The following BLNK variants were observed in gnomAD, a reference collection of about 807,000 sequenced individuals.
BLNK encodes the protein B-cell linker protein.
Under a neutral mutation model 73.5 loss-of-function variants are expected in BLNK, and 29 were observed. That is an observed-to-expected ratio of 0.39 (90% CI 0.29 to 0.54). The LOEUF is 0.54. BLNK is among the 20% of genes least tolerant of loss of function. The pLI is 0.61. For synonymous variants in BLNK, 176 were observed against 200.8 expected (o/e 0.88, Z 1.04); for missense variants, 460 against 562.8 (o/e 0.82, Z 1.85).
At chr10:96,204,495 CA>C (rs2083743584) in intron 12 of BLNK, 36 bp downstream of exon 12, 1 of 1,598,890 alleles carries the variant, frequency 6.3e-7, no homozygotes, top group Non-Finnish European at 8.6e-7. Flanking sequence ...CCTGCAGCAA[CA>C]AGAGGAAACT....
Position 96,238,989 on chromosome 10 carries a change from A to G in BLNK, c.163+3746T>C, listed in dbSNP as rs1012911228. On this transcript the variant is annotated intron_variant, in intron 3 of 16. Transcript: ENST00000224337. ...GATCCAGTAGTTCTAGGGTGGGGCC[A>G]AGATTCTGCATTTCTAACAAGCTCC... The G allele has an allele frequency of 1.3e-4, 53 of 396,642 alleles. 2 individuals are homozygous for G. The Middle Eastern group carries it at 2.6e-3, about 19-fold the overall frequency. The allele number at this position is 396,642 out of a possible 1,614,324, so 24.6% of individuals were successfully genotyped here.
At chr10:96,226,203 G>A (rs1842253022) in intron 5 of BLNK, among the ~76,000 whole-genome samples, 1 of 152,162 alleles carries the variant, frequency 6.6e-6, no homozygotes, top group Non-Finnish European at 1.5e-5. Context: ...TAGACCCCCA[G>A]GGGAAAGCAC....
At chr10:96,202,503 T>C (rs2083672028) in intron 13 of BLNK, among the ~76,000 whole-genome samples, 1 of 152,208 alleles carries the variant, frequency 6.6e-6, no homozygotes, top group Non-Finnish European at 1.5e-5. Flanking sequence ...CAACCAGAGT[T>C]GTCCTTTATT....
rs11286890 is a variant in BLNK, at chr10:96,228,095, CTT to C, written c.205-531_205-530del. On this transcript the variant is annotated intron_variant, in intron 4 of 16. Transcript: ENST00000224337. ...ACTCAGGGTTTGCTCTCTTTTTTTTCTTTTTTTTTTTTTCCTGTTTTTGAGAT... is the reference window on the plus strand; with the variant it reads ...ACTCAGGGTTTGCTCTCTTTTTTTTCTTTTTTTTTTTCCTGTTTTTGAGAT... Among the ~76,000 whole-genome samples, 62 of 115,360 alleles carry C rather than the reference CTT, an allele frequency of 5.4e-4. 1 individual carries two copies. The highest frequency in any genetic ancestry group is 4.7e-3 in the South Asian group (16 of 3,412). The allele number at this position is 115,360 out of a possible 152,430, so 75.7% of individuals were successfully genotyped here.
intron 11 of BLNK, 31 bp downstream of exon 11, chr10:96,206,980 C>T (rs587599113): frequency 1.9e-6 from 3 of 1,604,384 alleles, no homozygotes; most frequent in East Asian, 2.2e-5. Flanking sequence ...TTTTAGAGGA[C>T]ATGCTCATCC....
chr10:96,262,497 G>A (rs1843803141), intron 1 of BLNK, among the ~76,000 whole-genome samples: 1 of 152,226 alleles, frequency 6.6e-6, no homozygotes, highest in African/African-American at 2.4e-5. Flanking sequence ...TCTTCTCAAA[G>A]ACCACAAGCT....
rs2242136 is a variant in BLNK, at chr10:96,204,505, C to G, written c.902+27G>C. 39,169 of 1,608,792 alleles carry G rather than the reference C, an allele frequency of 0.024. 3,280 individuals are homozygous for G. In the East Asian group the frequency reaches 0.34, roughly 14 times the overall value. ...TAATTCCTGCAGCAACAAGAGGAAA[C>G]TGATCTTTAAAGGAAAGGATTCTTA... On this transcript the variant is annotated intron_variant, in intron 12 of 16. Coordinates refer to ENST00000224337, the MANE Select transcript of BLNK (RefSeq NM_013314.4).
At chr10:96,209,736 G>T in intron 9 of BLNK, 102 bp downstream of exon 9, 2 of 1,413,836 alleles carry the variant, frequency 1.4e-6, no homozygotes, top group Non-Finnish European at 2.0e-6. Flanking sequence ...CCAAGTTGCA[G>T]CCTGCCATGG....
intron 1 of BLNK, among the ~76,000 whole-genome samples, chr10:96,269,434 AC>A (rs1427173049): frequency 4.7e-5 from 7 of 150,360 alleles, no homozygotes; most frequent in Admixed American, 2.7e-4. Context: ...AAAAAAAAAA[AC>A]ATTTGGAATC....
chr10:96,201,604 C>A (rs2083637207), intron 13 of BLNK, among the ~76,000 whole-genome samples: 1 of 152,120 alleles, frequency 6.6e-6, no homozygotes, highest in Non-Finnish European at 1.5e-5. Flanking sequence ...CTCTTTGGGT[C>A]TACAATTATT....
At chr10:96,227,867 A>G (rs1654117748) in intron 4 of BLNK, among the ~76,000 whole-genome samples, 2 of 152,314 alleles carry the variant, frequency 1.3e-5, no homozygotes, top group Admixed American at 1.3e-4. Flanking sequence ...AATAAAACAT[A>G]TTTTTAAAAG....
intron 9 of BLNK, among the ~76,000 whole-genome samples, chr10:96,208,898 GTT>G (rs2083884410): frequency 6.6e-6 from 1 of 152,182 alleles, no homozygotes; most frequent in African/African-American, 2.4e-5. Context: ...CGTATGCAGA[GTT>G]TTGGTTAATA....
intron 5 of BLNK, among the ~76,000 whole-genome samples, chr10:96,224,219 G>A (rs1278605025): frequency 3.3e-5 from 5 of 152,140 alleles, no homozygotes; most frequent in East Asian, 1.9e-4. Context: ...ACATCCTTCC[G>A]GGGCAGTGAT....
chr10:96,212,615 C>T (rs1554898906), intron 8 of BLNK, among the ~76,000 whole-genome samples: 2 of 152,128 alleles, frequency 1.3e-5, no homozygotes, highest in African/African-American at 2.4e-5. Context: ...TGTCACTGCA[C>T]CAGATTTACT....
At chr10:96,255,203 G>C (rs1320452240) in intron 1 of BLNK, among the ~76,000 whole-genome samples, 1 of 152,206 alleles carries the variant, frequency 6.6e-6, no homozygotes, top group South Asian at 2.1e-4. Context: ...AGTTCAGGAA[G>C]GATGGAGTTT....
At position 96,200,045 on chromosome 10, in the gene BLNK, A is replaced by T; in HGVS notation, c.1095+30T>A. Reference sequence around the variant, plus strand: ...ACAAATAAATAAAATAAAATAAAATAAAAATAATAAATAATAAAAATGATC... The same window carrying T: ...ACAAATAAATAAAATAAAATAAAATTAAAATAATAAATAATAAAAATGATC... On this transcript the variant is annotated intron_variant, in intron 15 of 16. Transcript: ENST00000224337. This position sits in a 1 kb window ranked among gnomAD's most constrained non-coding sequence, Gnocchi z 4.3. 1 of 1,349,186 alleles carries T rather than the reference A, an allele frequency of 7.4e-7. No individual in the cohort carries two copies. The highest frequency in any genetic ancestry group is 9.7e-7 in the Non-Finnish European group (1 of 1,032,334). 83.6% of individuals were successfully genotyped at this position (1,349,186 alleles called of 1,614,324 possible). A position where few individuals can be genotyped will look rare whatever the true frequency, so the allele number is the denominator to read the frequency against.
chr10:96,268,999 T>C (rs1397397314), intron 1 of BLNK, among the ~76,000 whole-genome samples: 1 of 152,206 alleles, frequency 6.6e-6, no homozygotes, highest in East Asian at 1.9e-4. Flanking sequence ...AGGAGGCAAG[T>C]ATTTCATCTA....
In BLNK at chr10:96,246,940, G is replaced by T. The variant is rs1554907748; in HGVS notation, c.113+44C>A. 9.2e-6 allele frequency: 13 copies of T among 1,412,080 alleles called. No individual in the cohort carries two copies. In the South Asian group the frequency reaches 1.3e-4, roughly 15 times the overall value. 87.5% of individuals were successfully genotyped at this position (1,412,080 alleles called of 1,614,324 possible). ...TGTTTTCTTCCATGTAGCACATGTT[G>T]ACTTATTTTATATAATTAAGTATTT... On this transcript the variant is annotated intron_variant, in intron 2 of 16. Coordinates refer to ENST00000224337, the MANE Select transcript of BLNK (RefSeq NM_013314.4).
At chr10:96,246,946 T>C (rs781903867) in intron 2 of BLNK, 38 bp downstream of exon 2, 9 of 1,444,674 alleles carry the variant, frequency 6.2e-6, no homozygotes, top group Non-Finnish European at 5.8e-6. Context: ...TGTTGACTTA[T>C]TTTATATAAT....
Sources: gnomAD v4.1 joint callset for allele counts (sites outside exome capture counted in the v4.1 genomes callset) on GRCh38, gnomAD v4.1.1 for gene constraint, Gnocchi (gnomAD v3.1) non-coding constraint, MANE v1.5 for transcripts, NCBI Gene and HGNC (gene_info 2026-07-23, HGNC 2026-07-21) for gene names.